The following SPG11 variants were observed in gnomAD, a reference collection of about 807,000 sequenced individuals.
SPG11 encodes spatacsin.
Under a neutral mutation model 274.0 loss-of-function variants are expected in SPG11, and 222 were observed. That is an observed-to-expected ratio of 0.81 (90% confidence interval 0.73 to 0.91). SPG11 has a LOEUF of 0.91. Among genes scored for constraint, SPG11 ranks in the 40% least tolerant of loss-of-function variants. The pLI is 0.00. For missense variants in SPG11, 3,114 were observed against 2,872.7 expected, an observed-to-expected ratio of 1.08 and a Z score of -1.92; for synonymous variants, 1,144 against 1,039.7, an observed-to-expected ratio of 1.10 and a Z score of -1.93.
intron 2 of SPG11, among the ~76,000 whole-genome samples, chr15:44,659,929 C>G (rs991412120): frequency 6.6e-6 from 1 of 152,074 alleles, no homozygotes; most frequent in Non-Finnish European, 1.5e-5. Context: ...GGCGTGGCGG[C>G]GGGCGCCTGT....
chr15:44,625,701 T>C (rs527693993), intron 11 of SPG11, among the ~76,000 whole-genome samples: 1 of 152,254 alleles, frequency 6.6e-6, no homozygotes, highest in Non-Finnish European at 1.5e-5. Context: ...CTTTTTGAGA[T>C]GGAGTCTTGC....
intron 27 of SPG11, among the ~76,000 whole-genome samples, chr15:44,591,503 T>C (rs916291306): frequency 2.0e-5 from 3 of 152,234 alleles, no homozygotes; most frequent in Admixed American, 6.5e-5. Context: ...ATGATGGAAC[T>C]GGTTAAGCTG....
chr15:44,650,165 C>T (rs2084725191), intron 6 of SPG11, among the ~76,000 whole-genome samples: 2 of 152,068 alleles, frequency 1.3e-5, no homozygotes, highest in African/African-American at 2.4e-5. Context: ...ATCAAAATCT[C>T]CCATGGGTAC....
In SPG11 at chr15:44,634,240, T is replaced by C. The variant is rs1345702757; in HGVS notation, c.1603-603A>G. Among the ~76,000 whole-genome samples the C allele has an allele frequency of 2.6e-5, 4 of 152,160 alleles. No individual in the cohort carries two copies. The East Asian group carries it at 5.8e-4, about 22-fold the overall frequency. ...ACAATTCAAAGCTAAATATTAGGGA[T>C]TACCCTTACAATTCAGTTATATTCT... On this transcript the variant is annotated intron_variant, in intron 7 of 39. Coordinates refer to ENST00000261866, the MANE Select transcript of SPG11 (RefSeq NM_025137.4).
At position 44,562,958 on chromosome 15, in the gene SPG11, C is replaced by T. The variant is rs955410642; in HGVS notation, c.*163G>A. 6 of 630,918 alleles carry T rather than the reference C, an allele frequency of 9.5e-6. No homozygotes were observed. The highest frequency in any genetic ancestry group is 7.4e-5 in the African/African-American group (4 of 54,344). 39.1% of individuals were successfully genotyped at this position (630,918 alleles called of 1,614,324 possible). The stretch of plus-strand genomic sequence containing the variant: ...TCAATCTATTTTAAATAGGAATTTC[C>T]TCCTGAAAAGTTTCTTACTTGCTAC... On this transcript the variant is annotated 3_prime_UTR_variant, in exon 40 of 40. Coordinates refer to ENST00000261866, the MANE Select transcript of SPG11 (RefSeq NM_025137.4).
chr15:44,581,749 A>G (rs2082662980), intron 30 of SPG11, among the ~76,000 whole-genome samples: 1 of 152,164 alleles, frequency 6.6e-6, no homozygotes, highest in Admixed American at 6.5e-5. Flanking sequence ...GTAATAAAAG[A>G]CAAGTAGGAT....
At chr15:44,633,856 G>A (rs78868696) in intron 7 of SPG11, among the ~76,000 whole-genome samples, 3 of 147,674 alleles carry the variant, frequency 2.0e-5, no homozygotes, top group Admixed American at 2.0e-4. Context: ...TTTTTTTTTT[G>A]AGTCAGAGTT....
chr15:44,630,180 C>T (rs749596881), intron 8 of SPG11, among the ~76,000 whole-genome samples: 34 of 152,222 alleles, frequency 2.2e-4, no homozygotes, highest in Admixed American at 5.2e-4. Flanking sequence ...GATGTTGCAT[C>T]GGCAGCTGAA....
At position 44,636,925 on chromosome 15, in the gene SPG11, C is replaced by CAAAAAAAAAAAAAAAAAAAA. The variant is rs370928375; in HGVS notation, c.1603-3308_1603-3289dup. Among the ~76,000 whole-genome samples, 14 of 19,440 alleles carry CAAAAAAAAAAAAAAAAAAAA rather than the reference C, an allele frequency of 7.2e-4. 1 individual carries two copies. The highest frequency in any genetic ancestry group is 1.3e-3 in the African/African-American group (4 of 3,200). 12.8% of individuals were successfully genotyped at this position (19,440 alleles called of 152,430 possible). On this transcript the variant is annotated intron_variant, in intron 7 of 39. Transcript: ENST00000261866. The stretch of plus-strand genomic sequence containing the variant: ...TGGGCAACAGAGCAAGACTCCATCT[C>CAAAAAAAAAAAAAAAAAAAA]AAAAAAAAAAAAAAAAAAAAAAAAA...
intron 14 of SPG11, chr15:44,620,675 C>T (rs913538164): frequency 1.4e-5 from 5 of 360,462 alleles, no homozygotes; most frequent in African/African-American, 4.3e-5. Flanking sequence ...GCAGGGACTA[C>T]AGGGATGTGC....
intron 28 of SPG11, among the ~76,000 whole-genome samples, chr15:44,588,129 A>G (rs1435949766): frequency 6.6e-6 from 1 of 152,214 alleles, no homozygotes; most frequent in Non-Finnish European, 1.5e-5. Context: ...TAAATGTGAG[A>G]AAATAACCCT....
At chr15:44,651,967 CA>C in intron 5 of SPG11, 28 bp from the exon 6 acceptor site, 1 of 1,599,210 alleles carries the variant, frequency 6.3e-7, no homozygotes, top group Non-Finnish European at 8.5e-7. Context: ...TATAACTTAA[CA>C]CCTGTCACAG....
chr15:44,608,697 G>C, intron 18 of SPG11, 92 bp from the exon 19 acceptor site: 1 of 1,248,816 alleles, frequency 8.0e-7, no homozygotes, highest in Non-Finnish European at 1.1e-6. Context: ...AACAAGATTA[G>C]CTTGAGAAGA....
intron 21 of SPG11, chr15:44,600,169 ATAATCACCATCCAAATG>A (rs2083148923): frequency 3.5e-6 from 1 of 282,306 alleles, no homozygotes; most frequent in Admixed American, 4.7e-5. Flanking sequence ...GAAAACAACA[ATAATCACCATCCAAATG>A]TAATCACTGT....
At chr15:44,584,846 C>T (rs1265129872) in intron 29 of SPG11, among the ~76,000 whole-genome samples, 1 of 152,116 alleles carries the variant, frequency 6.6e-6, no homozygotes, top group African/African-American at 2.4e-5. Context: ...CCAGGCTGGT[C>T]TTAAACTCCT....
At position 44,585,422 on chromosome 15, in the gene SPG11, T is replaced by C. The variant is rs1195853984; in HGVS notation, c.5121+214A>G. Among the ~76,000 whole-genome samples the C allele has an allele frequency of 6.2e-4, 13 of 20,828 alleles. No individual in the cohort carries two copies. The East Asian group carries it at 0.013, about 20-fold the overall frequency. The allele number at this position is 20,828 out of a possible 152,430, so 13.7% of individuals were successfully genotyped here. A position where few individuals can be genotyped will look rare whatever the true frequency, so the allele number is the denominator to read the frequency against. ...TAACACAGTGAAACCCCATCTCTAC[T>C]AAAAATACAAAAAAAAAAAAAAAAA... is the stretch of plus-strand genomic sequence containing the variant. On this transcript the variant is annotated intron_variant, in intron 29 of 39. Coordinates refer to ENST00000261866, the MANE Select transcript of SPG11 (RefSeq NM_025137.4).
chr15:44,567,071 G>A (rs2082324738), intron 36 of SPG11, among the ~76,000 whole-genome samples: 1 of 152,026 alleles, frequency 6.6e-6, no homozygotes, highest in Non-Finnish European at 1.5e-5. Flanking sequence ...TTTATCGAGG[G>A]CCGGGCATGG....
At chr15:44,611,919 C>T (rs927675088) in intron 17 of SPG11, among the ~76,000 whole-genome samples, 2 of 148,816 alleles carry the variant, frequency 1.3e-5, no homozygotes, top group Admixed American at 6.8e-5. Context: ...CATTCTCCTG[C>T]CTCAGCCTCC....
intron 33 of SPG11, 121 bp from the exon 34 acceptor site, chr15:44,570,779 C>G: frequency 7.7e-7 from 1 of 1,294,464 alleles, no homozygotes; most frequent in Non-Finnish European, 1.1e-6. Context: ...AGGGCCGTCC[C>G]ATCAGCCCTC....
Sources: allele counts gnomAD v4.1 joint callset (sites outside exome capture counted in the v4.1 genomes callset), GRCh38; gene constraint gnomAD v4.1.1; transcripts MANE v1.5; gene names NCBI Gene and HGNC (gene_info 2026-07-23, HGNC 2026-07-21).